TENM1: variants seen among roughly 807,000 people sequenced by gnomAD.
TENM1 encodes the protein teneurin transmembrane protein 1, also known as teneurin-1.
TENM1 carries 35 observed loss-of-function variants against 174.8 expected under a neutral mutation model. The observed-to-expected ratio is 0.20, with a 90% CI of 0.15 to 0.27. The LOEUF (loss-of-function observed/expected upper bound fraction) is 0.27, where lower values mean the gene tolerates loss of function less well. Among genes scored for constraint, TENM1 ranks in the 10% least tolerant of loss-of-function variants. The pLI, the probability that TENM1 is intolerant of heterozygous loss-of-function variation, is 1.00. For missense variants in TENM1, 1,633 were observed against 2,130.1 expected, an observed-to-expected ratio of 0.77 and a Z score of 4.59; for synonymous variants, 781 against 798.7, an observed-to-expected ratio of 0.98 and a Z score of 0.37.
chrX:124,424,251 C>T (rs1384045563), intron 23 of TENM1, among the ~76,000 whole-genome samples: 2 of 112,544 alleles, frequency 1.8e-5, no homozygotes, highest in East Asian at 5.6e-4. Context: ...AAACTTAATC[C>T]TCAAATTCAT....
chrX:125,001,925 TCACA>T, the TENM1 span, among the ~76,000 whole-genome samples: 4,497 of 67,074 alleles, frequency 0.067, 201 homozygotes, highest in African/African-American at 0.13. Context: ...TCTAGAGAGA[TCACA>T]CACACACACA....
chrX:125,069,512 C>T, the TENM1 span, among the ~76,000 whole-genome samples: 1 of 111,096 alleles, frequency 9.0e-6, no homozygotes, highest in Admixed American at 9.6e-5. Context: ...TGGGTAGATA[C>T]CCAGTAGTGG....
At chrX:124,547,542 C>T (rs2048459722) in intron 14 of TENM1, among the ~76,000 whole-genome samples, 1 of 111,648 alleles carries the variant, frequency 9.0e-6, no homozygotes, top group Non-Finnish European at 1.9e-5. Context: ...AAAATCCTCC[C>T]AATATTGTTG....
At chrX:125,079,032 A>G in the TENM1 span, among the ~76,000 whole-genome samples, 48 of 111,729 alleles carry the variant, frequency 4.3e-4, no homozygotes, top group African/African-American at 1.5e-3. Flanking sequence ...AATAAGGAGC[A>G]CCGTCAGGAT....
At chrX:124,955,246 TA>T (rs59685791) in intron 1 of TENM1, among the ~76,000 whole-genome samples, 9,521 of 111,114 alleles carry the variant, frequency 0.086, 971 homozygotes, top group African/African-American at 0.29. Context: ...CCCCCAAGGA[TA>T]TTTTTTTTAA....
intron 20 of TENM1, among the ~76,000 whole-genome samples, chrX:124,496,131 A>G (rs946163104): frequency 1.6e-4 from 18 of 110,281 alleles, no homozygotes; most frequent in African/African-American, 5.7e-4. Flanking sequence ...AGGATTCCCT[A>G]TTTAATAAAT....
intron 23 of TENM1, among the ~76,000 whole-genome samples, chrX:124,423,886 A>G (rs1004294174): frequency 5.4e-5 from 6 of 111,787 alleles, no homozygotes; most frequent in African/African-American, 2.0e-4. Flanking sequence ...GTATTTGTAG[A>G]CAGGGCCTTC....
At chrX:124,671,470 A>T (rs1454614071) in intron 6 of TENM1, among the ~76,000 whole-genome samples, 1 of 111,701 alleles carries the variant, frequency 9.0e-6, no homozygotes, top group African/African-American at 3.3e-5. Context: ...AATTGCCAAC[A>T]TATTTGAAAA....
At chrX:125,113,636 T>C in the TENM1 span, among the ~76,000 whole-genome samples, 1 of 110,846 alleles carries the variant, frequency 9.0e-6, no homozygotes, top group East Asian at 2.8e-4. Flanking sequence ...AAACGGTCTA[T>C]AGACCAACAA....
At chrX:124,400,582 C>T (rs1237839797) in intron 27 of TENM1, among the ~76,000 whole-genome samples, 1 of 111,952 alleles carries the variant, frequency 8.9e-6, no homozygotes, top group Admixed American at 9.5e-5. Flanking sequence ...TGCTAAGCCC[C>T]CTCCATTGTT....
chrX:125,078,436 C>T, the TENM1 span, among the ~76,000 whole-genome samples: 1 of 111,472 alleles, frequency 9.0e-6, no homozygotes, highest in South Asian at 3.7e-4. Flanking sequence ...TTTCCTAATT[C>T]ATATAATTAT....
At chrX:124,390,344 CT>C (rs772265699) in intron 28 of TENM1, among the ~76,000 whole-genome samples, 3 of 111,852 alleles carry the variant, frequency 2.7e-5, no homozygotes, top group Admixed American at 9.4e-5. Flanking sequence ...AAGGGAAAGT[CT>C]TTTTTTTATT....
At chrX:124,990,778 G>A in the TENM1 span, among the ~76,000 whole-genome samples, 1 of 112,152 alleles carries the variant, frequency 8.9e-6, no homozygotes, top group South Asian at 3.7e-4. Flanking sequence ...TTGTCCAGCA[G>A]AAATAAGGCG....
At chrX:124,937,606 G>A (rs2058265835) in intron 1 of TENM1, among the ~76,000 whole-genome samples, 1 of 111,906 alleles carries the variant, frequency 8.9e-6, no homozygotes, top group Non-Finnish European at 1.9e-5. Flanking sequence ...TGTCAATGAT[G>A]ATGGACAGAA....
chrX:124,951,639 A>AATATATATATATATATAT (rs1156297240), intron 1 of TENM1, among the ~76,000 whole-genome samples: 5 of 63,016 alleles, frequency 7.9e-5, no homozygotes, highest in African/African-American at 1.9e-4. Context: ...GAAAAGTTAA[A>AATATATATATATATATAT]ATATATATAT....
At chrX:124,531,187 A>C (rs1318602898) in intron 15 of TENM1, among the ~76,000 whole-genome samples, 1 of 94,441 alleles carries the variant, frequency 1.1e-5, no homozygotes, top group Non-Finnish European at 2.0e-5. Context: ...GGGCAGCTCA[A>C]TCTTGGATTA....
exon 30 of TENM1, chrX:124,384,476 T>C (rs1295666689): frequency 1.7e-6 from 2 of 1,210,485 alleles, no homozygotes; most frequent in South Asian, 3.5e-5. Flanking sequence ...CCTTGTTATA[T>C]TGGCATCTAC....
chrX:125,081,945 A>C, the TENM1 span, among the ~76,000 whole-genome samples: 3 of 110,844 alleles, frequency 2.7e-5, no homozygotes, highest in Non-Finnish European at 5.7e-5. Context: ...CAATGTGTAG[A>C]TATGGAAATA....
chrX:124,755,389 T>C (rs1311460676), intron 3 of TENM1, among the ~76,000 whole-genome samples: 1 of 111,367 alleles, frequency 9.0e-6, no homozygotes, highest in African/African-American at 3.3e-5. Context: ...TGTCTCTGCC[T>C]GTGAGATGGG....
Sources: gnomAD v4.1 joint callset for allele counts (sites outside exome capture counted in the v4.1 genomes callset) on GRCh38, gnomAD v4.1.1 for gene constraint, MANE v1.5 for transcripts, NCBI Gene and HGNC (gene_info 2026-07-23, HGNC 2026-07-21) for gene names.